The following PARD3B variants were observed in gnomAD, a reference collection of about 807,000 sequenced individuals.
PARD3B encodes partitioning defective 3 homolog B.
PARD3B carries 103 observed loss-of-function variants against 130.2 expected under a neutral mutation model. The observed-to-expected ratio is 0.79, with a 90% CI of 0.67 to 0.93. PARD3B has a LOEUF of 0.93. PARD3B is among the 40% of genes least tolerant of loss of function. PARD3B has a pLI of 0.00. For synonymous variants in PARD3B, 583 were observed against 553.2 expected, an observed-to-expected ratio of 1.05 and a Z score of -0.76; for missense variants, 1,609 against 1,499.2, an observed-to-expected ratio of 1.07 and a Z score of -1.21.
In PARD3B at chr2:205,172,265, T is replaced by C; in HGVS notation, c.1675T>C (p.Leu559=). 2 of 1,614,158 alleles carry C rather than the reference T, an allele frequency of 1.2e-6. No individual in the cohort carries two copies. Among genetic ancestry groups the C allele is most frequent in the Non-Finnish European group, 1.7e-6 (2 of 1,180,018 alleles). Residue 559 remains leucine, a synonymous_variant, in exon 12 of 23, where the codon TTG becomes CTG. Coordinates refer to ENST00000406610, the MANE Select transcript of PARD3B (RefSeq NM_001302769.2). The part of the protein sequence containing the change: ...QLIAVNGESL[L]GKSNHEAMET... ...GATTGCAGTTAATGGGGAATCTCTT[T>C]TGGGAAAGTCCAACCACGAAGCTAT...
intron 2 of PARD3B, among the ~76,000 whole-genome samples, chr2:204,785,205 C>T (rs2125460422): frequency 6.6e-6 from 1 of 152,190 alleles, no homozygotes; most frequent in East Asian, 1.9e-4. Flanking sequence ...AATGAATTTT[C>T]ATTAGTCTTT....
In PARD3B at chr2:205,128,606, G is replaced by T. The variant is rs2031687002; in HGVS notation, c.1434+2869G>T. ...GTAAGAATTGTTGTGAAGATTAAAT[G>T]AGATAATACAGGCAAAGCTTGTAGC... is the stretch of plus-strand genomic sequence containing the variant. On this transcript the variant is annotated intron_variant, in intron 10 of 22. Transcript: ENST00000406610. The surrounding 1 kb of genome is among the most constrained non-coding windows in gnomAD (Gnocchi z 4.5). Among the ~76,000 whole-genome samples the T allele has an allele frequency of 6.6e-6, 1 of 152,158 alleles. No homozygotes were observed. The highest frequency in any genetic ancestry group is 2.4e-5 in the African/African-American group (1 of 41,444).
chr2:204,897,386 T>TTTTTTG (rs1553550992), intron 2 of PARD3B, among the ~76,000 whole-genome samples: 3 of 664 alleles, frequency 4.5e-3, no homozygotes, highest in East Asian at 0.027. Context: ...GTAGGTACTG[T>TTTTTTG]TTTTTTTTTT....
chr2:205,178,027 C>T (rs1003450112), intron 13 of PARD3B, among the ~76,000 whole-genome samples: 6 of 151,232 alleles, frequency 4.0e-5, no homozygotes, highest in South Asian at 2.1e-4. Flanking sequence ...GACTTTAGAC[C>T]GGGCACAGTG....
chr2:204,991,216 T>A (rs1355755510), intron 3 of PARD3B, among the ~76,000 whole-genome samples: 2 of 133,120 alleles, frequency 1.5e-5, no homozygotes, highest in Non-Finnish European at 3.2e-5. Flanking sequence ...CCCAATGCTA[T>A]CCCTCCCCCC....
In PARD3B at chr2:205,545,799, T is replaced by C. The variant is rs553678700; in HGVS notation, c.3181-7525T>C. The stretch of plus-strand genomic sequence containing the variant: ...CAGAAAAATCTTGTGTAATTTATTC[T>C]TTTATTTTCAATGAATTGTTAAAAA... On this transcript the variant is annotated intron_variant, in intron 21 of 22. Coordinates refer to ENST00000406610, the MANE Select transcript of PARD3B (RefSeq NM_001302769.2). 1.5e-4 allele frequency among the ~76,000 whole-genome samples: 23 copies of C among 152,322 alleles called. 2 individuals are homozygous for C. The South Asian group carries it at 4.6e-3, about 30-fold the overall frequency.
chr2:205,217,503 CAT>C (rs1162833762), intron 15 of PARD3B, among the ~76,000 whole-genome samples: 1 of 151,932 alleles, frequency 6.6e-6, no homozygotes, highest in African/African-American at 2.4e-5. Flanking sequence ...TTGAGAGAAT[CAT>C]AGTACCATCT....
chr2:205,576,294 C>G (rs1222413895), intron 22 of PARD3B, among the ~76,000 whole-genome samples: 3 of 145,578 alleles, frequency 2.1e-5, no homozygotes, highest in African/African-American at 7.5e-5. Context: ...GTGTCTTTTG[C>G]AAATATTTTC....
At chr2:205,267,007 AAG>A (rs2040532334) in intron 16 of PARD3B, among the ~76,000 whole-genome samples, 1 of 152,170 alleles carries the variant, frequency 6.6e-6, no homozygotes, top group Non-Finnish European at 1.5e-5. Flanking sequence ...AAAAGAAAAA[AAG>A]GCATTCCTCT....
chr2:204,815,258 G>A (rs1460842940), intron 2 of PARD3B, among the ~76,000 whole-genome samples: 1 of 151,878 alleles, frequency 6.6e-6, no homozygotes, highest in African/African-American at 2.4e-5. Flanking sequence ...AGCATTGGTA[G>A]TTTTTATCTT....
chr2:204,562,584 T>A (rs1396704140), intron 1 of PARD3B, among the ~76,000 whole-genome samples: 2 of 152,222 alleles, frequency 1.3e-5, no homozygotes, highest in African/African-American at 4.8e-5. Context: ...GTTTTACTTG[T>A]CATCTTGTTT....
intron 4 of PARD3B, among the ~76,000 whole-genome samples, chr2:205,080,448 T>C (rs1225633075): frequency 6.6e-6 from 1 of 152,146 alleles, no homozygotes; most frequent in Non-Finnish European, 1.5e-5. Context: ...CAATATTTCT[T>C]ACTCCTTGAT....
intron 2 of PARD3B, among the ~76,000 whole-genome samples, chr2:204,714,031 ATATT>A (rs1265885648): frequency 1.3e-5 from 2 of 152,146 alleles, no homozygotes; most frequent in Non-Finnish European, 2.9e-5. Context: ...ATGCACATTT[ATATT>A]TATTTTTAAA....
intron 19 of PARD3B, among the ~76,000 whole-genome samples, chr2:205,435,372 A>G (rs1414484535): frequency 1.3e-5 from 2 of 151,986 alleles, no homozygotes; most frequent in Non-Finnish European, 2.9e-5. Flanking sequence ...CCCATCTTTT[A>G]CTATTATAAT....
intron 2 of PARD3B, among the ~76,000 whole-genome samples, chr2:204,748,615 G>A (rs1040705505): frequency 1.3e-5 from 2 of 152,088 alleles, no homozygotes; most frequent in African/African-American, 4.8e-5. Flanking sequence ...TTACTCAAAA[G>A]CTTATTAAAA....
chr2:205,502,199 C>T (rs1369115299), intron 21 of PARD3B, among the ~76,000 whole-genome samples: 1 of 152,148 alleles, frequency 6.6e-6, no homozygotes, highest in Non-Finnish European at 1.5e-5. Flanking sequence ...TGAGAAATTA[C>T]ACTGTTGTCT....
intron 20 of PARD3B, among the ~76,000 whole-genome samples, chr2:205,471,658 C>T (rs533325399): frequency 5.5e-4 from 84 of 152,156 alleles, no homozygotes; most frequent in Middle Eastern, 3.4e-3. Context: ...CCACCACGCC[C>T]GGCCCTCATT....
chr2:204,728,382 C>T (rs1260046467), intron 2 of PARD3B, among the ~76,000 whole-genome samples: 2 of 152,048 alleles, frequency 1.3e-5, no homozygotes, highest in African/African-American at 2.4e-5. Context: ...TGCTCAATGA[C>T]ATGAGATGCA....
chr2:204,686,355 T>A, intron 2 of PARD3B, 73 bp downstream of exon 2: 1 of 1,091,064 alleles, frequency 9.2e-7, no homozygotes. Context: ...CTGAAATCCT[T>A]AACAAACTCA....
Sources: allele counts gnomAD v4.1 joint callset (sites outside exome capture counted in the v4.1 genomes callset), GRCh38; gene constraint gnomAD v4.1.1; non-coding constraint Gnocchi (gnomAD v3.1); transcripts MANE v1.5; gene names NCBI Gene and HGNC (gene_info 2026-07-23, HGNC 2026-07-21).